APBA2: variants seen among roughly 807,000 people sequenced by gnomAD.
APBA2 encodes the protein amyloid-beta A4 precursor protein-binding family A member 2.
A neutral mutation model predicts 75.0 loss-of-function variants in APBA2; 30 were observed. The ratio of observed to expected loss-of-function variants is 0.40; its 90% CI spans 0.30 to 0.54. APBA2 has a LOEUF of 0.54. Among genes scored for constraint, APBA2 ranks in the 20% least tolerant of loss-of-function variants. The probability of loss-of-function intolerance (pLI) is 0.49; values close to 1 mark genes in which losing one functional copy is unlikely to be tolerated. For missense variants in APBA2, 801 were observed against 1,016.1 expected (o/e 0.79, Z 2.88); for synonymous variants, 444 against 409.6 (o/e 1.08, Z -1.01).
chr15:29,090,940 GCCC>G (rs2043536432), intron 6 of APBA2, among the ~76,000 whole-genome samples: 1 of 151,330 alleles, frequency 6.6e-6, no homozygotes, highest in Non-Finnish European at 1.5e-5. Flanking sequence ...CGCTCTCCAA[GCCC>G]CCCAGCTAGG....
chr15:29,098,314 T>C (rs1427378477), intron 8 of APBA2, among the ~76,000 whole-genome samples, 176 bp from the exon 9 acceptor site: 2 of 152,238 alleles, frequency 1.3e-5, no homozygotes, highest in Non-Finnish European at 2.9e-5. Context: ...GTGCTTCTTA[T>C]CTTTTATCTT....
chr15:28,954,066 C>T (rs1022429316), intron 2 of APBA2, among the ~76,000 whole-genome samples: 5 of 152,088 alleles, frequency 3.3e-5, no homozygotes, highest in African/African-American at 1.2e-4. Flanking sequence ...TCCATGCTTC[C>T]GGACACCTAG....
intron 2 of APBA2, among the ~76,000 whole-genome samples, chr15:28,957,150 G>A (rs1373994988): frequency 1.3e-5 from 2 of 151,904 alleles, no homozygotes; most frequent in Admixed American, 6.6e-5. Context: ...TCAGCTCACT[G>A]CAAGCTCCGC....
intron 2 of APBA2, among the ~76,000 whole-genome samples, chr15:28,977,842 G>A (rs954879537): frequency 2.0e-5 from 3 of 152,090 alleles, no homozygotes; most frequent in Non-Finnish European, 4.4e-5. Flanking sequence ...ACTGGCTGTT[G>A]TGTCTCTCCC....
chr15:29,095,052 G>A (rs2043783861), intron 8 of APBA2, among the ~76,000 whole-genome samples: 1 of 149,060 alleles, frequency 6.7e-6, no homozygotes, highest in African/African-American at 2.5e-5. Context: ...GGGCGACAGA[G>A]TGAGACCCTA....
intron 8 of APBA2, among the ~76,000 whole-genome samples, chr15:29,094,517 G>C (rs2043751206): frequency 6.6e-6 from 1 of 152,212 alleles, no homozygotes; most frequent in South Asian, 2.1e-4. Context: ...TTTATGGAAG[G>C]ATTTATTAAT....
At chr15:29,022,721 A>G (rs144505167) in intron 3 of APBA2, among the ~76,000 whole-genome samples, 2,058 of 152,214 alleles carry the variant, frequency 0.014, 25 homozygotes, top group Non-Finnish European at 0.02. Context: ...TGTTTCTGCA[A>G]TTGTTTCCTC....
chr15:29,007,807 A>G (rs550071638), intron 3 of APBA2, among the ~76,000 whole-genome samples: 25 of 152,192 alleles, frequency 1.6e-4, no homozygotes, highest in Non-Finnish European at 3.2e-4. Flanking sequence ...CCGTCGGAAA[A>G]CAGTATGACA....
At position 29,098,561 on chromosome 15, in the gene APBA2, A is replaced by C; in HGVS notation, c.1323A>C (p.Leu441Phe). The C allele has an allele frequency of 6.2e-7, 1 of 1,613,882 alleles. No homozygotes were observed. ...LFISTQRIKV[L>F]NADTQETMMD... ...TTTCCACCCAGAGGATCAAGGTTTT[A>C]AATGCAGACACGCAGGTAAGCGTTT... Residue 441 changes from leucine (L) to phenylalanine (F), a missense_variant, in exon 9 of 15, where the codon TTA (leucine) becomes TTC (phenylalanine). Coordinates refer to ENST00000683413, the MANE Select transcript of APBA2 (RefSeq NM_001353788.2).
At chr15:28,999,198 T>C (rs1228856803) in intron 3 of APBA2, among the ~76,000 whole-genome samples, 1 of 150,388 alleles carries the variant, frequency 6.6e-6, no homozygotes, top group South Asian at 2.1e-4. Flanking sequence ...AATGTTAAAA[T>C]ACATAGAAGA....
intron 4 of APBA2, among the ~76,000 whole-genome samples, chr15:29,055,616 T>C (rs2041847798): frequency 6.6e-6 from 1 of 152,128 alleles, no homozygotes; most frequent in East Asian, 1.9e-4. Flanking sequence ...GTCATATTTT[T>C]TTACAGCCTT....
chr15:29,108,498 G>A, intron 13 of APBA2, 109 bp downstream of exon 13: 1 of 1,570,706 alleles, frequency 6.4e-7, no homozygotes, highest in Non-Finnish European at 8.7e-7. Context: ...GGTAGGACCT[G>A]GCCTGTGGTT....
intron 4 of APBA2, among the ~76,000 whole-genome samples, chr15:29,073,103 A>T (rs2042697470): frequency 6.6e-6 from 1 of 152,158 alleles, no homozygotes; most frequent in South Asian, 2.1e-4. Context: ...CAGTGCTGGG[A>T]GGGTGGGCCC....
intron 2 of APBA2, among the ~76,000 whole-genome samples, chr15:28,944,171 T>A (rs2336908): frequency 0.17 from 25,995 of 152,122 alleles, 3,119 homozygotes; most frequent in African/African-American, 0.34. Context: ...ATTGTGTCTC[T>A]TCCGAAAGAG....
chr15:29,116,496 C>T (rs1234742431), intron 14 of APBA2, among the ~76,000 whole-genome samples: 9 of 151,430 alleles, frequency 5.9e-5, no homozygotes, highest in Non-Finnish European at 7.4e-5. Flanking sequence ...GGTGTGGTGG[C>T]GGGCACCTGT....
At chr15:29,032,350 AG>A (rs1265358347) in intron 3 of APBA2, among the ~76,000 whole-genome samples, 1 of 152,206 alleles carries the variant, frequency 6.6e-6, no homozygotes, top group Non-Finnish European at 1.5e-5. Context: ...GATCAGTTGA[AG>A]GCCTTAAGAC....
At chr15:28,998,256 C>T (rs1204532317) in intron 3 of APBA2, among the ~76,000 whole-genome samples, 4 of 149,848 alleles carry the variant, frequency 2.7e-5, no homozygotes, top group South Asian at 2.1e-4. Flanking sequence ...CTATGATAAC[C>T]GTCCTATAGG....
intron 6 of APBA2, among the ~76,000 whole-genome samples, chr15:29,077,533 G>A (rs996439601): frequency 6.6e-6 from 1 of 152,134 alleles, no homozygotes; most frequent in Non-Finnish European, 1.5e-5. Context: ...GTGAGGGATC[G>A]GGAAGCAGTG....
At chr15:29,087,035 C>T (rs995769202) in intron 6 of APBA2, among the ~76,000 whole-genome samples, 5 of 152,122 alleles carry the variant, frequency 3.3e-5, no homozygotes, top group Admixed American at 1.3e-4. Context: ...ATTAGACTCC[C>T]ATATCTCCAT....
Sources: allele counts gnomAD v4.1 joint callset (sites outside exome capture counted in the v4.1 genomes callset), GRCh38; gene constraint gnomAD v4.1.1; transcripts MANE v1.5; gene names NCBI Gene and HGNC (gene_info 2026-07-23, HGNC 2026-07-21).